The following ADGRL2 variants were observed in gnomAD, a reference collection of about 807,000 sequenced individuals.
The protein encoded by ADGRL2 is calcium-independent alpha-latrotoxin receptor 2.
ADGRL2 carries 44 observed loss-of-function variants against 157.4 expected under a neutral mutation model. That is an observed-to-expected ratio of 0.28 (90% confidence interval 0.22 to 0.36). The LOEUF (loss-of-function observed/expected upper bound fraction) is 0.36. Ranked by LOEUF, ADGRL2 falls within the 10% of genes least tolerant of loss-of-function variation. ADGRL2 has a pLI of 1.00. For missense variants in ADGRL2, 1,510 were observed against 1,768.9 expected (o/e 0.85, Z 2.63); for synonymous variants, 585 against 624.7 (o/e 0.94, Z 0.95).
intron 3 of ADGRL2, among the ~76,000 whole-genome samples, chr1:81,647,528 G>C (rs2082337478): frequency 6.6e-6 from 1 of 151,946 alleles, no homozygotes; most frequent in Admixed American, 6.6e-5. Context: ...ATTACCTTCG[G>C]GTAATTTTAC....
chr1:81,344,154 C>T (rs750533957), intron 1 of ADGRL2, among the ~76,000 whole-genome samples: 4 of 152,202 alleles, frequency 2.6e-5, no homozygotes, highest in East Asian at 3.9e-4. Context: ...CTGCAACCTC[C>T]GCCTCCCAGG....
intron 1 of ADGRL2, among the ~76,000 whole-genome samples, chr1:81,389,145 T>A (rs1475689425): frequency 1.3e-5 from 2 of 152,168 alleles, no homozygotes; most frequent in African/African-American, 4.8e-5. Flanking sequence ...AAAACGTTTT[T>A]AATACAGTAT....
At chr1:81,434,845 C>T (rs557797606) in intron 1 of ADGRL2, among the ~76,000 whole-genome samples, 133 of 152,214 alleles carry the variant, frequency 8.7e-4, no homozygotes, top group Middle Eastern at 6.8e-3. Flanking sequence ...GTCACTGCTC[C>T]GCTGTTTGCT....
At chr1:81,669,942 CAAAAAAAAA>C (rs11389637) in intron 3 of ADGRL2, among the ~76,000 whole-genome samples, 1 of 88,036 alleles carries the variant, frequency 1.1e-5, no homozygotes, top group East Asian at 3.8e-4. Flanking sequence ...GACTACGTCT[CAAAAAAAAA>C]AAAAAAAAAA....
At chr1:81,478,638 C>T (rs749733178) in intron 2 of ADGRL2, among the ~76,000 whole-genome samples, 3 of 152,148 alleles carry the variant, frequency 2.0e-5, no homozygotes, top group East Asian at 3.9e-4. Context: ...CTGGTTTGAT[C>T]GGCTACAATT....
intron 3 of ADGRL2, among the ~76,000 whole-genome samples, chr1:81,627,929 T>C (rs1242882434): frequency 6.6e-6 from 1 of 152,196 alleles, no homozygotes; most frequent in African/African-American, 2.4e-5. Flanking sequence ...GACTAGTTGA[T>C]TCAAGAATCA....
At chr1:81,653,080 T>G (rs2082454234) in intron 3 of ADGRL2, among the ~76,000 whole-genome samples, 1 of 152,206 alleles carries the variant, frequency 6.6e-6, no homozygotes, top group Non-Finnish European at 1.5e-5. Context: ...TGGTAGTTAA[T>G]CTAGATGCTT....
At chr1:81,975,511 T>C (rs893633193) in intron 17 of ADGRL2, among the ~76,000 whole-genome samples, 1 of 152,082 alleles carries the variant, frequency 6.6e-6, no homozygotes, top group Non-Finnish European at 1.5e-5. Context: ...TTTGCCTGCC[T>C]TCCATTGAGA....
intron 1 of ADGRL2, among the ~76,000 whole-genome samples, chr1:81,364,052 A>C (rs932663039): frequency 5.3e-5 from 8 of 152,160 alleles, no homozygotes; most frequent in African/African-American, 1.9e-4. Context: ...AAATTTTTAC[A>C]TTCTGTAATA....
intron 2 of ADGRL2, among the ~76,000 whole-genome samples, chr1:81,774,780 T>C (rs1045842735): frequency 7.9e-5 from 12 of 152,098 alleles, no homozygotes; most frequent in African/African-American, 2.9e-4. Flanking sequence ...ATTTCAATAA[T>C]TTTCTTGTTG....
chr1:81,595,470 C>G (rs2081213186), intron 3 of ADGRL2, among the ~76,000 whole-genome samples: 1 of 152,142 alleles, frequency 6.6e-6, no homozygotes, highest in South Asian at 2.1e-4. Flanking sequence ...CCTATAACTG[C>G]TATGAATGTA....
chr1:81,544,997 C>T (rs745339800), intron 2 of ADGRL2, among the ~76,000 whole-genome samples: 7 of 152,094 alleles, frequency 4.6e-5, no homozygotes, highest in Non-Finnish European at 8.8e-5. Context: ...CCTGGGTATA[C>T]GACAAAGACC....
rs1553135530 is a variant in ADGRL2, at chr1:81,653,323, T to TTTG, written c.-143+72345_-143+72346insGTT. 2.9e-5 allele frequency among the ~76,000 whole-genome samples: 3 copies of TTTG among 105,042 alleles called. No homozygotes were observed. In the East Asian group the frequency reaches 6.5e-4, roughly 23 times the overall value. The allele number at this position is 105,042 out of a possible 152,430, so 68.9% of individuals were successfully genotyped here. On this transcript the variant is annotated intron_variant, in intron 3 of 24. Transcript: ENST00000370721. ...CCCTTTCTGATAAACCTTTAGGGTTTTTTTTTTTTTCACTTTTATCAACAA... is the reference window on the plus strand; with the variant it reads ...CCCTTTCTGATAAACCTTTAGGGTTTTTGTTTTTTTTTTCACTTTTATCAACAA...
intron 1 of ADGRL2, among the ~76,000 whole-genome samples, chr1:81,394,521 G>A (rs2076619750): frequency 6.6e-6 from 1 of 152,084 alleles, no homozygotes; most frequent in Admixed American, 6.5e-5. Context: ...GCTTATATAT[G>A]TTGCCACAAA....
intron 2 of ADGRL2, among the ~76,000 whole-genome samples, chr1:81,564,970 G>T (rs1268289219): frequency 6.6e-6 from 1 of 152,162 alleles, no homozygotes; most frequent in African/African-American, 2.4e-5. Context: ...CTGTAATTCT[G>T]ATAAGGAGTC....
intron 3 of ADGRL2, among the ~76,000 whole-genome samples, chr1:81,633,413 T>A (rs779353795): frequency 4.0e-5 from 6 of 151,668 alleles, no homozygotes; most frequent in Non-Finnish European, 7.4e-5. Flanking sequence ...TGGGCCAACA[T>A]GGTGAAACCC....
At chr1:81,633,945 T>C (rs2082063128) in intron 3 of ADGRL2, among the ~76,000 whole-genome samples, 1 of 152,130 alleles carries the variant, frequency 6.6e-6, no homozygotes, top group African/African-American at 2.4e-5. Context: ...GCTAGAGATA[T>C]CATTTGAAAG....
chr1:81,317,274 C>A (rs909219063), intron 1 of ADGRL2, among the ~76,000 whole-genome samples: 1 of 152,150 alleles, frequency 6.6e-6, no homozygotes, highest in Non-Finnish European at 1.5e-5. Flanking sequence ...GGTATTTCTT[C>A]ACTCTGTCTC....
chr1:81,925,616 GA>G (rs1396267124), intron 3 of ADGRL2, among the ~76,000 whole-genome samples: 1 of 150,532 alleles, frequency 6.6e-6, no homozygotes, highest in African/African-American at 2.4e-5. Context: ...TAAAAAATGG[GA>G]AATGTTTCTG....
Sources: gnomAD v4.1 joint callset for allele counts (sites outside exome capture counted in the v4.1 genomes callset) on GRCh38, gnomAD v4.1.1 for gene constraint, MANE v1.5 for transcripts, NCBI Gene and HGNC (gene_info 2026-07-23, HGNC 2026-07-21) for gene names.